Variants in MACROD2 observed in about 807,000 individuals in gnomAD.
The protein encoded by MACROD2 is mono-ADP ribosylhydrolase 2.
Under a neutral mutation model 70.4 loss-of-function variants are expected in MACROD2, and 36 were observed. The observed-to-expected ratio is 0.51, with a 90% CI of 0.39 to 0.68. MACROD2 has a LOEUF of 0.68. Ranked by LOEUF, MACROD2 falls within the 30% of genes least tolerant of loss-of-function variation. MACROD2 has a pLI of 0.00. For synonymous variants in MACROD2, 172 were observed against 178.8 expected (o/e 0.96, Z 0.30); for missense variants, 496 against 538.4 (o/e 0.92, Z 0.78).
chr20:14,894,496 T>G (rs1342996828), intron 5 of MACROD2: 2 of 152,220 alleles, frequency 1.3e-5, no homozygotes, highest in African/African-American at 4.8e-5. Context: ...GTGCTGGGAT[T>G]ACAGGCATGA....
At chr20:14,484,496 A>G (rs560721066) in intron 3 of MACROD2, among the ~76,000 whole-genome samples, 3 of 152,276 alleles carry the variant, frequency 2.0e-5, no homozygotes, top group East Asian at 1.9e-4. Flanking sequence ...ATTATTTACT[A>G]TAGTCACCCT....
At chr20:15,106,573 C>A (rs189722509) in intron 5 of MACROD2, among the ~76,000 whole-genome samples, 5 of 152,280 alleles carry the variant, frequency 3.3e-5, no homozygotes, top group Admixed American at 2.0e-4. Flanking sequence ...TGGAACACAG[C>A]AAACTACCTC....
rs111636059 is a variant in MACROD2 at position 14,810,650 on chromosome 20, A to G, written c.418+125691A>G. Reference sequence around the variant, plus strand: ...AAATAGGAAGAGAGGAAGTCAAATTATCTCTGTTTGCAGATGACATGATTG... The same window carrying G: ...AAATAGGAAGAGAGGAAGTCAAATTGTCTCTGTTTGCAGATGACATGATTG... On this transcript the variant is annotated intron_variant, in intron 5 of 17. Coordinates refer to ENST00000684519, the MANE Select transcript of MACROD2 (RefSeq NM_001351661.2). Among the ~76,000 whole-genome samples, 585 of 152,100 alleles carry G rather than the reference A, an allele frequency of 3.8e-3. 4 individuals are homozygous for G. Among genetic ancestry groups the G allele is most frequent in the African/African-American group, 0.013 (531 of 41,520 alleles).
intron 5 of MACROD2, among the ~76,000 whole-genome samples, chr20:15,124,130 T>C (rs553117233): frequency 6.6e-5 from 10 of 152,224 alleles, no homozygotes; most frequent in Non-Finnish European, 1.3e-4. Flanking sequence ...TCTTCTCTCT[T>C]TGATTTTTTT....
chr20:14,423,767 T>TTTTTTTTTC (rs2083903211), intron 3 of MACROD2, among the ~76,000 whole-genome samples: 1 of 133,882 alleles, frequency 7.5e-6, no homozygotes, highest in Non-Finnish European at 1.6e-5. Flanking sequence ...TTTTTTTTTT[T>TTTTTTTTTC]TTTTTTTTTT....
At chr20:14,506,451 C>T (rs1433780639) in intron 4 of MACROD2, among the ~76,000 whole-genome samples, 2 of 152,064 alleles carry the variant, frequency 1.3e-5, no homozygotes, top group Admixed American at 1.3e-4. Flanking sequence ...AAAGGACTAT[C>T]CAGTCATTGG....
chr20:15,085,858 AACACACACACACACAACAC>A (rs1303130271), intron 5 of MACROD2, among the ~76,000 whole-genome samples: 2 of 135,860 alleles, frequency 1.5e-5, no homozygotes, highest in East Asian at 2.1e-4. Flanking sequence ...AAAGATGAAT[AACACACACACACACAACAC>A]ACACACACAC....
In MACROD2 at chr20:15,741,391, G is replaced by A. The variant is rs150609400; in HGVS notation, c.646-121354G>A. Among the ~76,000 whole-genome samples the A allele has an allele frequency of 3.0e-3, 460 of 151,910 alleles. 2 individuals are homozygous for A. Among genetic ancestry groups the A allele is most frequent in the African/African-American group, 0.01 (424 of 41,418 alleles). ...TGGGATTACAGGCATGAGCCACTGC[G>A]CCTGGCCCAGTTATCATATATTACA... On this transcript the variant is annotated intron_variant, in intron 8 of 17. Transcript: ENST00000684519.
At chr20:14,065,006 T>G (rs1337592008) in intron 2 of MACROD2, among the ~76,000 whole-genome samples, 2 of 152,190 alleles carry the variant, frequency 1.3e-5, no homozygotes, top group Non-Finnish European at 2.9e-5. Flanking sequence ...ACAATCTGAA[T>G]CACGGAACCA....
At chr20:15,414,344 C>A (rs2046118311) in intron 6 of MACROD2, among the ~76,000 whole-genome samples, 1 of 152,194 alleles carries the variant, frequency 6.6e-6, no homozygotes, top group Admixed American at 6.5e-5. Context: ...CCCAGACTCA[C>A]TGAATTAGAA....
At chr20:15,135,688 C>T (rs7353607) in intron 5 of MACROD2, among the ~76,000 whole-genome samples, 32,761 of 105,078 alleles carry the variant, frequency 0.31, 5,242 homozygotes, top group East Asian at 0.52. Flanking sequence ...CACTCCTATT[C>T]AACATAGTGT....
chr20:14,629,081 G>A (rs569460654), intron 4 of MACROD2, among the ~76,000 whole-genome samples: 28 of 152,218 alleles, frequency 1.8e-4, no homozygotes, highest in African/African-American at 5.5e-4. Flanking sequence ...GAAAATAGGC[G>A]TACCACTTGT....
At chr20:14,176,963 T>G (rs148621133) in intron 3 of MACROD2, among the ~76,000 whole-genome samples, 1 of 152,320 alleles carries the variant, frequency 6.6e-6, no homozygotes, top group Admixed American at 6.5e-5. Context: ...TAAGAATTAG[T>G]TTAGTGAGAA....
Position 16,042,297 on chromosome 20 carries a change from A to C in MACROD2, c.1231+1019A>C, listed in dbSNP as rs1464775698. Among the ~76,000 whole-genome samples, 7 of 152,002 alleles carry C rather than the reference A, an allele frequency of 4.6e-5. No homozygotes were observed. The South Asian group carries it at 1.2e-3, about 27-fold the overall frequency. ...GCCCCAGACCCATCCCTTAAGAGCC[A>C]CTGCTTGTTAGTTATGAGCAGTTGA... On this transcript the variant is annotated intron_variant, in intron 16 of 17. Coordinates refer to ENST00000684519, the MANE Select transcript of MACROD2 (RefSeq NM_001351661.2).
At chr20:14,091,480 T>C (rs998840946) in intron 3 of MACROD2, among the ~76,000 whole-genome samples, 3 of 152,086 alleles carry the variant, frequency 2.0e-5, no homozygotes, top group African/African-American at 7.2e-5. Context: ...AGGAAGTAAA[T>C]CGCAAATGTC....
chr20:15,764,832 G>A (rs979667194), intron 8 of MACROD2, among the ~76,000 whole-genome samples: 1 of 152,102 alleles, frequency 6.6e-6, no homozygotes, highest in African/African-American at 2.4e-5. Context: ...TCTGAATAAA[G>A]TCTAAATTTC....
chr20:15,673,792 A>C (rs1464509909), intron 8 of MACROD2, among the ~76,000 whole-genome samples: 1 of 148,450 alleles, frequency 6.7e-6, no homozygotes. Context: ...AAAAAAAAAA[A>C]AAACAGCCCT....
chr20:15,288,520 AC>A (rs1312768360), intron 6 of MACROD2, among the ~76,000 whole-genome samples: 1 of 152,162 alleles, frequency 6.6e-6, no homozygotes, highest in African/African-American at 2.4e-5. Flanking sequence ...AGAAAGATCC[AC>A]CCTTATTAAG....
At chr20:15,816,315 T>C (rs2063874153) in intron 8 of MACROD2, among the ~76,000 whole-genome samples, 1 of 152,108 alleles carries the variant, frequency 6.6e-6, no homozygotes, top group Non-Finnish European at 1.5e-5. Context: ...TGCAATGACT[T>C]TTGTATGCTA....
Sources: allele counts gnomAD v4.1 joint callset (sites outside exome capture counted in the v4.1 genomes callset), GRCh38; gene constraint gnomAD v4.1.1; transcripts MANE v1.5; gene names NCBI Gene and HGNC (gene_info 2026-07-23, HGNC 2026-07-21).